OSBPL10: variants seen among roughly 807,000 people sequenced by gnomAD.
The protein encoded by OSBPL10 is oxysterol-binding protein-related protein 10.
Under a neutral mutation model 81.7 loss-of-function variants are expected in OSBPL10, and 49 were observed. The observed-to-expected ratio is 0.60, with a 90% CI of 0.48 to 0.76. The LOEUF (loss-of-function observed/expected upper bound fraction) is 0.76. Ranked by LOEUF, OSBPL10 falls within the 30% of genes least tolerant of loss-of-function variation. The probability of loss-of-function intolerance (pLI) is 0.00; values close to 1 mark genes in which losing one functional copy is unlikely to be tolerated. For synonymous variants in OSBPL10, 419 were observed against 383.6 expected (o/e 1.09, Z -1.08); for missense variants, 923 against 987.8 (o/e 0.93, Z 0.88).
At chr3:31,892,987 A>G (rs1476554121) in intron 1 of OSBPL10, among the ~76,000 whole-genome samples, 1 of 152,142 alleles carries the variant, frequency 6.6e-6, no homozygotes, top group African/African-American at 2.4e-5. Flanking sequence ...CACGGCACCC[A>G]TACATCCTTG....
intron 6 of OSBPL10, chr3:31,714,560 T>C (rs1696370703): frequency 6.6e-6 from 1 of 152,540 alleles, no homozygotes; most frequent in Admixed American, 6.5e-5. Context: ...ACGACACACA[T>C]GGGCAGGCAG....
In OSBPL10 at chr3:32,039,958, G is replaced by A. The variant is rs187070468; in HGVS notation, n.298+6533C>T. Reference sequence around the variant, plus strand: ...CCTGGCAGATCAAATTCAACAGTACGGTAAAAGAACAATGAATCTTGACCA... The same window carrying A: ...CCTGGCAGATCAAATTCAACAGTACAGTAAAAGAACAATGAATCTTGACCA... On this transcript the variant is annotated intron_variant and non_coding_transcript_variant, in intron 2 of 3. Coordinates refer to the OSBPL10 transcript ENST00000479173. Among the ~76,000 whole-genome samples the A allele has an allele frequency of 1.2e-4, 18 of 152,212 alleles. No homozygotes were observed. The South Asian group carries it at 1.5e-3, about 12-fold the overall frequency.
In OSBPL10 at chr3:31,980,893, C is replaced by G. The variant is rs1341880286; in HGVS notation, c.281+6G>C. 1 of 1,562,228 alleles carries G rather than the reference C, an allele frequency of 6.4e-7. No homozygotes were observed. Among genetic ancestry groups the G allele is most frequent in the Non-Finnish European group, 8.6e-7 (1 of 1,158,206 alleles). On this transcript the variant is annotated splice_donor_region_variant and intron_variant, in intron 1 of 11. Coordinates refer to ENST00000396556, the MANE Select transcript of OSBPL10 (RefSeq NM_017784.5). Reference sequence around the variant, plus strand: ...CGCGCGGTGGCGCGGGCGGCTGGCGCGTTACCTGTTCTGCCAGCCCTGGAG... The same window carrying G: ...CGCGCGGTGGCGCGGGCGGCTGGCGGGTTACCTGTTCTGCCAGCCCTGGAG...
intron 1 of OSBPL10, among the ~76,000 whole-genome samples, chr3:31,951,351 A>G (rs1697864407): frequency 6.6e-6 from 1 of 151,968 alleles, no homozygotes; most frequent in Non-Finnish European, 1.5e-5. Context: ...AATAATACAG[A>G]GAGATAACAC....
chr3:32,006,184 G>A (rs950186923), intron 2 of OSBPL10, among the ~76,000 whole-genome samples: 2 of 151,948 alleles, frequency 1.3e-5, no homozygotes, highest in African/African-American at 4.8e-5. Context: ...GACCTCAGGT[G>A]ATCCCTCTGC....
At chr3:32,041,588 T>C (rs1168053870) in intron 2 of OSBPL10, among the ~76,000 whole-genome samples, 1 of 152,214 alleles carries the variant, frequency 6.6e-6, no homozygotes, top group Non-Finnish European at 1.5e-5. Flanking sequence ...CTGGCCAACA[T>C]TGATGCCTCT....
At chr3:31,936,440 G>C (rs1188109152) in intron 1 of OSBPL10, among the ~76,000 whole-genome samples, 1 of 152,086 alleles carries the variant, frequency 6.6e-6, no homozygotes, top group Non-Finnish European at 1.5e-5. Flanking sequence ...TATTTATAGG[G>C]AAAAATCAAA....
At chr3:31,952,103 ACT>A (rs937461500) in intron 1 of OSBPL10, among the ~76,000 whole-genome samples, 29 of 151,770 alleles carry the variant, frequency 1.9e-4, no homozygotes, top group African/African-American at 6.3e-4. Flanking sequence ...TAAACAAAAG[ACT>A]CTTAAATTCA....
intron 4 of OSBPL10, among the ~76,000 whole-genome samples, chr3:31,824,157 G>C (rs564970758): frequency 7.2e-5 from 11 of 152,236 alleles, no homozygotes; most frequent in African/African-American, 2.6e-4. Flanking sequence ...ACCACGCCCT[G>C]CCCCTTTTTT....
At chr3:31,985,235 T>C (rs1698918158), upstream of OSBPL10, among the ~76,000 whole-genome samples, 1 of 152,100 alleles carries the variant, frequency 6.6e-6, no homozygotes, top group Admixed American at 6.6e-5. Flanking sequence ...CAAGACTCCA[T>C]CTCAAAAAAT....
At chr3:31,666,117 T>G (rs1700183798) in intron 10 of OSBPL10, among the ~76,000 whole-genome samples, 1 of 151,928 alleles carries the variant, frequency 6.6e-6, no homozygotes, top group African/African-American at 2.4e-5. Flanking sequence ...GAAGCTGAGG[T>G]AAGCTTGCTC....
chr3:31,855,469 C>G (rs1700885610), intron 3 of OSBPL10, among the ~76,000 whole-genome samples: 1 of 152,144 alleles, frequency 6.6e-6, no homozygotes, highest in Non-Finnish European at 1.5e-5. Flanking sequence ...TCTCTAGCCT[C>G]CAGCCTTGTT....
intron 1 of OSBPL10, among the ~76,000 whole-genome samples, chr3:31,976,314 A>G (rs6769296): frequency 0.11 from 16,542 of 152,262 alleles, 2,375 homozygotes; most frequent in African/African-American, 0.33. Context: ...AACTAATGAA[A>G]AGAGTAACAT....
At chr3:31,956,087 C>T (rs914446854) in intron 1 of OSBPL10, among the ~76,000 whole-genome samples, 2 of 152,180 alleles carry the variant, frequency 1.3e-5, no homozygotes, top group African/African-American at 4.8e-5. Context: ...AGAAACACTG[C>T]AAAACCCTCT....
upstream of OSBPL10, among the ~76,000 whole-genome samples, chr3:31,984,395 G>A (rs1402320512): frequency 6.6e-6 from 1 of 151,862 alleles, no homozygotes; most frequent in Non-Finnish European, 1.5e-5. Flanking sequence ...GCTAAGGATG[G>A]GGAAGCTGAT....
chr3:31,670,885 C>A lies in OSBPL10; in HGVS notation c.1825G>T (p.Gly609Ter). 6.2e-7 allele frequency: 1 copy of A among 1,614,158 alleles called. No individual in the cohort carries two copies. The highest frequency in any genetic ancestry group is 8.5e-7 in the Non-Finnish European group (1 of 1,180,004). The change falls in exon 9 of 12, where the codon GGA (glycine) becomes TGA (stop). Residue 609 changes from glycine to a stop codon, truncating the protein, a stop_gained. Coordinates refer to ENST00000396556, the MANE Select transcript of OSBPL10 (RefSeq NM_017784.5). LOFTEE classifies it high-confidence loss of function. ...TTGGCACAGTTGATGCTGACTTTTCCTCCGAGCTCCACCCACGGGATGGTG... is the reference window on the plus strand; with the variant it reads ...TTGGCACAGTTGATGCTGACTTTTCATCCGAGCTCCACCCACGGGATGGTG... The part of the protein sequence containing the change: ...ILTIPWVELG[G>*]KVSINCAKTG...
At chr3:31,812,724 AAGAAAGAAAGAAAGAAAG>A (rs1699718984) in intron 4 of OSBPL10, among the ~76,000 whole-genome samples, 3 of 18,378 alleles carry the variant, frequency 1.6e-4, no homozygotes, top group African/African-American at 2.4e-4. Flanking sequence ...AAAAAAAAGA[AAGAAAGAAAGAAAGAAAG>A]AAAGAAAGAA....
At chr3:31,841,454 G>T (rs898061733) in intron 3 of OSBPL10, among the ~76,000 whole-genome samples, 1 of 152,204 alleles carries the variant, frequency 6.6e-6, no homozygotes, top group African/African-American at 2.4e-5. Flanking sequence ...GCACTAGGCT[G>T]CTGTCATTCC....
rs530387440 is a variant in OSBPL10 at position 31,684,940 on chromosome 3, C to G, written c.1246-826G>C. Among the ~76,000 whole-genome samples, 9 of 152,262 alleles carry G rather than the reference C, an allele frequency of 5.9e-5. No individual in the cohort carries two copies. The East Asian group carries it at 1.5e-3, about 26-fold the overall frequency. ...ATTGAAGACAGAGACCTTGTAGAGG[C>G]CCGGATAACTCTGGTAGAGATAAGA... On this transcript the variant is annotated intron_variant, in intron 7 of 11. Transcript: ENST00000396556.
Sources: allele counts gnomAD v4.1 joint callset (sites outside exome capture counted in the v4.1 genomes callset), GRCh38; gene constraint gnomAD v4.1.1; transcripts MANE v1.5; gene names NCBI Gene and HGNC (gene_info 2026-07-23, HGNC 2026-07-21).